Variants in CUBN observed in about 807,000 individuals in gnomAD.
The protein encoded by CUBN is 460 kDa receptor.
A neutral mutation model predicts 405.3 loss-of-function variants in CUBN; 282 were observed. The observed-to-expected ratio is 0.70, with a 90% CI of 0.63 to 0.77. CUBN has a LOEUF of 0.77. Ranked by LOEUF, CUBN falls within the 30% of genes least tolerant of loss-of-function variation. The pLI is 0.00. For missense variants in CUBN, 4,514 were observed against 4,475.2 expected (o/e 1.01, Z -0.25); for synonymous variants, 1,684 against 1,617.0 (o/e 1.04, Z -0.99).
intron 31 of CUBN, among the ~76,000 whole-genome samples, chr10:16,959,397 G>A (rs1843157741): frequency 1.3e-5 from 2 of 152,268 alleles, no homozygotes; most frequent in East Asian, 3.9e-4. Flanking sequence ...GGGAAGCTGA[G>A]GTGGGCAGAT....
intron 22 of CUBN, among the ~76,000 whole-genome samples, chr10:17,048,597 C>A (rs1036585243): frequency 6.6e-6 from 1 of 152,016 alleles, no homozygotes; most frequent in African/African-American, 2.4e-5. Context: ...CCTGTCTCAG[C>A]CTCCCCAGCA....
rs563991695 is a variant in CUBN, at chr10:16,900,628, A to C, written c.8407T>G (p.Leu2803Val). The change falls in exon 53 of 67, where the codon TTA becomes GTA. Residue 2803 changes from leucine (L) to valine (V), a missense_variant. Transcript: ENST00000377833. ...ATGGAGCAAACATTTCTTTTACCTA[A>C]AGTTTGTGTGTTCCACGTAGCATAA... ...GFYATWNTQT[L>V]GCGGIFHSDN... 100 of 1,610,324 alleles carry C rather than the reference A, an allele frequency of 6.2e-5. No homozygotes were observed. The highest frequency in any genetic ancestry group is 8.4e-5 in the Non-Finnish European group (99 of 1,176,564).
chr10:17,019,177 C>A (rs1834426247), intron 28 of CUBN, among the ~76,000 whole-genome samples: 1 of 152,162 alleles, frequency 6.6e-6, no homozygotes, highest in Admixed American at 6.5e-5. Flanking sequence ...CAGATTGGCC[C>A]ACCTGAGATT....
chr10:16,888,536 C>T lies in CUBN; in HGVS notation c.8786G>A (p.Gly2929Asp). Residue 2929 changes from glycine to aspartate, a missense_variant, in exon 56 of 67, where the codon GGT (glycine) becomes GAT (aspartate). Physicochemically the swap from Gly to Asp is moderately conservative, Grantham distance 94. This residue lies in a region of CUBN where 1,186 missense variants were observed against 1,186.9 expected (regional missense o/e 1.00). Transcript: ENST00000377833. The stretch of plus-strand genomic sequence containing the variant: ...TGGGTAATTTGGAGAAATGATGTAA[C>T]CTGAAGGGCCAGTGAAATTACTTCC... ...RCGSNFTGPS[G>D]YIISPNYPKQ... 5.0e-6 allele frequency: 8 copies of T among 1,613,628 alleles called. No homozygotes were observed. The highest frequency in any genetic ancestry group is 6.8e-6 in the Non-Finnish European group (8 of 1,179,748).
chr10:17,033,443 T>G (rs1271551283), intron 27 of CUBN, among the ~76,000 whole-genome samples: 1 of 152,216 alleles, frequency 6.6e-6, no homozygotes, highest in Non-Finnish European at 1.5e-5. Flanking sequence ...AAACTGATGC[T>G]AAAACAGTCA....
intron 22 of CUBN, among the ~76,000 whole-genome samples, chr10:17,057,262 C>T (rs958864265): frequency 4.6e-5 from 7 of 152,072 alleles, no homozygotes; most frequent in African/African-American, 1.4e-4. Flanking sequence ...AGCAGCTTGG[C>T]GCAGTTGTGC....
intron 17 of CUBN, among the ~76,000 whole-genome samples, chr10:17,077,591 A>G (rs1835880743): frequency 6.6e-6 from 1 of 152,244 alleles, no homozygotes; most frequent in Non-Finnish European, 1.5e-5. Context: ...ACTTACGCTT[A>G]GTCCATCTGA....
intron 27 of CUBN, among the ~76,000 whole-genome samples, chr10:17,028,401 G>A (rs1406406289): frequency 6.6e-6 from 1 of 152,056 alleles, no homozygotes; most frequent in Non-Finnish European, 1.5e-5. Context: ...CCTGAAGACA[G>A]TGAGATCAGG....
rs1837235276 is a variant in CUBN, at chr10:17,127,865, T to C, written c.312A>G (p.Gln104=). Reference sequence around the variant, plus strand: ...GCTGATAGATTTGACTAGATATATTTTGAGGCAGACCAATTGCACTCCCTT... The same window carrying C: ...GCTGATAGATTTGACTAGATATATTCTGAGGCAGACCAATTGCACTCCCTT... ...ELKGSAIGLP[Q]NISSQIYQLN... is the part of the protein sequence containing the mutation. Residue 104 remains glutamine (Q), a synonymous_variant, in exon 3 of 67, where the codon CAA becomes CAG. Coordinates refer to ENST00000377833, the MANE Select transcript of CUBN (RefSeq NM_001081.4). 2 of 1,613,296 alleles carry C rather than the reference T, an allele frequency of 1.2e-6. No individual in the cohort carries two copies. The highest frequency in any genetic ancestry group is 1.7e-6 in the Non-Finnish European group (2 of 1,179,340).
At chr10:17,059,463 G>C (rs569686792) in intron 22 of CUBN, among the ~76,000 whole-genome samples, 1 of 152,260 alleles carries the variant, frequency 6.6e-6, no homozygotes, top group African/African-American at 2.4e-5. Context: ...ATTATGGGAT[G>C]ATTTATGTGA....
At chr10:16,915,726 T>C in intron 46 of CUBN, 95 bp downstream of exon 46, 1 of 1,006,366 alleles carries the variant, frequency 9.9e-7, no homozygotes, top group Admixed American at 1.9e-5. Flanking sequence ...AGTATAGATG[T>C]GCTTTTGCCT....
intron 30 of CUBN, 148 bp from the exon 31 acceptor site, chr10:16,982,801 G>A: frequency 1.3e-6 from 1 of 743,968 alleles, no homozygotes; most frequent in Non-Finnish European, 2.3e-6. Flanking sequence ...TCCACATTAA[G>A]CCATTTATCC....
At chr10:16,952,035 T>A (rs1038141552) in intron 33 of CUBN, among the ~76,000 whole-genome samples, 1 of 152,202 alleles carries the variant, frequency 6.6e-6, no homozygotes, top group Admixed American at 6.5e-5. Flanking sequence ...TTTTAACCTT[T>A]GCTAGGCCTT....
intron 10 of CUBN, among the ~76,000 whole-genome samples, chr10:17,105,976 T>A (rs774886372): frequency 9.9e-5 from 15 of 152,154 alleles, no homozygotes; most frequent in Non-Finnish European, 1.6e-4. Flanking sequence ...CTCTGACTGA[T>A]TTAATCCTCC....
At chr10:17,117,533 C>G (rs1189303789) in intron 6 of CUBN, among the ~76,000 whole-genome samples, 3 of 152,164 alleles carry the variant, frequency 2.0e-5, no homozygotes, top group Admixed American at 6.5e-5. Context: ...TGCCACCACA[C>G]CCGGCTAATT....
At chr10:17,113,461 T>C (rs1192187638) in intron 8 of CUBN, among the ~76,000 whole-genome samples, 1 of 152,050 alleles carries the variant, frequency 6.6e-6, no homozygotes, top group Admixed American at 6.6e-5. Context: ...GATGACTATC[T>C]CATAAAACAA....
In CUBN at chr10:16,869,648, G is replaced by A. The variant is rs749089689; in HGVS notation, c.9442C>T (p.Arg3148Trp). ...QTAKGWKMSF[R>W]QTLGPQQGCG... ...CCAGAATTCTTACCCAATGTCTGCCGGAAAGACATCTTCCAGCCTTTTGCT... is the reference window on the plus strand; with the variant it reads ...CCAGAATTCTTACCCAATGTCTGCCAGAAAGACATCTTCCAGCCTTTTGCT... The change falls in exon 59 of 67, where the codon CGG (arginine) becomes TGG (tryptophan). Residue 3148 changes from arginine (R) to tryptophan (W), a missense_variant. Coordinates refer to ENST00000377833, the MANE Select transcript of CUBN (RefSeq NM_001081.4). The A allele has an allele frequency of 4.1e-5, 66 of 1,612,612 alleles. No individual in the cohort carries two copies. Among genetic ancestry groups the A allele is most frequent in the South Asian group, 1.1e-4 (10 of 91,034 alleles).
intron 56 of CUBN, 71 bp downstream of exon 56, chr10:16,888,346 A>C: frequency 1.6e-6 from 2 of 1,237,658 alleles, no homozygotes; most frequent in South Asian, 2.5e-5. Flanking sequence ...ATGTCAAAAC[A>C]TGTTGTACAC....
At chr10:16,954,146 T>C (rs1031639647) in intron 32 of CUBN, among the ~76,000 whole-genome samples, 1 of 152,164 alleles carries the variant, frequency 6.6e-6, no homozygotes, top group Non-Finnish European at 1.5e-5. Context: ...ATACTGTTTC[T>C]AGTCTTAAAA....
Sources: gnomAD v4.1 joint callset for allele counts (sites outside exome capture counted in the v4.1 genomes callset) on GRCh38, gnomAD v4.1.1 for gene constraint, gnomAD v4.1.1 regional missense constraint, MANE v1.5 for transcripts, NCBI Gene and HGNC (gene_info 2026-07-23, HGNC 2026-07-21) for gene names.